MAGI1: variants seen among roughly 807,000 people sequenced by gnomAD.
MAGI1 encodes membrane-associated guanylate kinase, WW and PDZ domain-containing protein 1.
In MAGI1, 58 loss-of-function variants were observed where a neutral mutation model predicts 139.9. The ratio of observed to expected loss-of-function variants is 0.41; its 90% confidence interval spans 0.34 to 0.52. The LOEUF (loss-of-function observed/expected upper bound fraction) is 0.52, where lower values mean the gene tolerates loss of function less well. Among genes scored for constraint, MAGI1 ranks in the 20% least tolerant of loss-of-function variants. The pLI is 0.12. For missense variants in MAGI1, 1,874 were observed against 1,901.6 expected (o/e 0.99, Z 0.27); for synonymous variants, 812 against 737.9 (o/e 1.10, Z -1.63).
intron 1 of MAGI1, among the ~76,000 whole-genome samples, chr3:65,702,283 C>T (rs575085852): frequency 7.2e-5 from 11 of 152,300 alleles, no homozygotes; most frequent in African/African-American, 2.2e-4. Flanking sequence ...TAAAAATCAA[C>T]GCACAAACAC....
chr3:65,649,729 T>C lies in MAGI1; in HGVS notation c.314-27641A>G, dbSNP rs148097467. Among the ~76,000 whole-genome samples the C allele has an allele frequency of 1.2e-3, 189 of 152,306 alleles. 4 individuals carry two copies. In the East Asian group the frequency reaches 0.028, roughly 22 times the overall value. ...AATATGAACTTTTCACTAAAGAAGA[T>C]AGTGATGGCAAATAAGCATATGAAA... On this transcript the variant is annotated intron_variant, in intron 1 of 22. Coordinates refer to ENST00000402939, the MANE Select transcript of MAGI1 (RefSeq NM_001033057.2).
intron 2 of MAGI1, among the ~76,000 whole-genome samples, chr3:65,518,296 T>C (rs1425130091): frequency 6.6e-6 from 1 of 152,204 alleles, no homozygotes; most frequent in African/African-American, 2.4e-5. Context: ...AAAATGACTT[T>C]CTGTATCTGT....
chr3:66,014,214 G>A (rs1001774240), intron 1 of MAGI1, among the ~76,000 whole-genome samples: 5 of 152,174 alleles, frequency 3.3e-5, no homozygotes, highest in Non-Finnish European at 7.3e-5. Flanking sequence ...AACAACAGGT[G>A]TAAACCAGAT....
intron 1 of MAGI1, among the ~76,000 whole-genome samples, chr3:65,665,335 G>C (rs528638704): frequency 6.6e-6 from 1 of 152,218 alleles, no homozygotes; most frequent in East Asian, 1.9e-4. Flanking sequence ...AGATTGCCAA[G>C]GTAACATCTA....
chr3:65,450,752 G>C (rs1559564053), intron 6 of MAGI1, among the ~76,000 whole-genome samples: 1 of 152,122 alleles, frequency 6.6e-6, no homozygotes, highest in African/African-American at 2.4e-5. Flanking sequence ...GATTTTCTGA[G>C]ATAGGAAATA....
At chr3:65,778,441 A>AT (rs67090174) in intron 1 of MAGI1, among the ~76,000 whole-genome samples, 35,412 of 145,758 alleles carry the variant, frequency 0.24, 6,066 homozygotes, top group Middle Eastern at 0.39. Flanking sequence ...AAAAAAAAAA[A>AT]AAATAAATAA....
intron 2 of MAGI1, among the ~76,000 whole-genome samples, chr3:65,617,016 G>A (rs2083411751): frequency 6.6e-6 from 1 of 152,152 alleles, no homozygotes; most frequent in South Asian, 2.1e-4. Context: ...AAAATAATAG[G>A]CAATGATAGC....
intron 5 of MAGI1, among the ~76,000 whole-genome samples, chr3:65,454,969 G>A (rs1949296641): frequency 6.6e-6 from 1 of 152,074 alleles, no homozygotes; most frequent in Non-Finnish European, 1.5e-5. Flanking sequence ...ATTTGTCTAA[G>A]GACACCCTGC....
intron 1 of MAGI1, among the ~76,000 whole-genome samples, chr3:65,779,320 C>A (rs2038740213): frequency 6.6e-6 from 1 of 152,164 alleles, no homozygotes; most frequent in African/African-American, 2.4e-5. Context: ...ATTCTGGTCT[C>A]AAGAGAACAC....
chr3:65,861,847 C>A (rs567266566), intron 1 of MAGI1, among the ~76,000 whole-genome samples: 1 of 152,298 alleles, frequency 6.6e-6, no homozygotes, highest in African/African-American at 2.4e-5. Context: ...GAGCAGCCAA[C>A]AAAAACCCTT....
rs1363896851 is a variant in MAGI1 at position 65,453,239 on chromosome 3, G to GTT, written c.1042+18_1042+19insAA. The GTT allele has an allele frequency of 6.2e-7, 1 of 1,612,220 alleles. No homozygotes were observed. The highest frequency in any genetic ancestry group is 8.5e-7 in the Non-Finnish European group (1 of 1,178,682). On this transcript the variant is annotated intron_variant, in intron 6 of 22. Transcript: ENST00000402939. ...AGTGCCCCCAATTCACTTAACCCAA[G>GTT]ACCTGCCTGGCCCCTTACCATCATC...
At chr3:65,946,134 G>T (rs2063535416) in intron 1 of MAGI1, among the ~76,000 whole-genome samples, 1 of 152,206 alleles carries the variant, frequency 6.6e-6, no homozygotes, top group Non-Finnish European at 1.5e-5. Flanking sequence ...GGCCACCGAG[G>T]GTATCTGTCC....
chr3:65,602,023 C>T (rs964463402), intron 2 of MAGI1, among the ~76,000 whole-genome samples: 1 of 152,026 alleles, frequency 6.6e-6, no homozygotes, highest in Non-Finnish European at 1.5e-5. Context: ...AAATCAAAAC[C>T]ACAATGACAT....
chr3:65,468,798 T>C (rs1950348478), intron 5 of MAGI1, among the ~76,000 whole-genome samples: 1 of 151,908 alleles, frequency 6.6e-6, no homozygotes, highest in African/African-American at 2.4e-5. Flanking sequence ...ATGTCATGCT[T>C]GGTGACTCAC....
At chr3:65,359,029 G>T in intron 22 of MAGI1, 1 of 1,576,660 alleles carries the variant, frequency 6.3e-7, no homozygotes, top group South Asian at 1.1e-5. Flanking sequence ...TTAGGCCACA[G>T]CACAGAAACA....
intron 1 of MAGI1, among the ~76,000 whole-genome samples, chr3:65,883,808 G>C (rs2060428248): frequency 6.6e-6 from 1 of 152,132 alleles, no homozygotes; most frequent in South Asian, 2.1e-4. Flanking sequence ...GTTTATCTTA[G>C]GTTTTGTGTA....
At chr3:65,868,953 C>A (rs1019408331) in intron 1 of MAGI1, among the ~76,000 whole-genome samples, 15 of 152,186 alleles carry the variant, frequency 9.9e-5, no homozygotes, top group Non-Finnish European at 2.1e-4. Context: ...TTGCCCATAG[C>A]CCCTATCAAC....
intron 1 of MAGI1, among the ~76,000 whole-genome samples, chr3:65,751,195 A>G (rs1253660159): frequency 1.3e-5 from 2 of 152,240 alleles, no homozygotes; most frequent in Non-Finnish European, 2.9e-5. Flanking sequence ...TGAGAAAGGT[A>G]TCGATCCCAT....
Position 65,822,311 on chromosome 3 carries a change from T to G in MAGI1, c.314-200223A>C, listed in dbSNP as rs530765383. On this transcript the variant is annotated intron_variant, in intron 1 of 22. Transcript: ENST00000402939. ...CTAAATCCAAGGCAGGCAGATGACT[T>G]GAGGTCAGAAGTTTGAGACCAGCCT... Among the ~76,000 whole-genome samples, 91 of 152,266 alleles carry G rather than the reference T, an allele frequency of 6.0e-4. 1 individual carries two copies. Among genetic ancestry groups the G allele is most frequent in the Middle Eastern group, 3.4e-3 (1 of 294 alleles).
Sources: gnomAD v4.1 joint callset for allele counts (sites outside exome capture counted in the v4.1 genomes callset) on GRCh38, gnomAD v4.1.1 for gene constraint, MANE v1.5 for transcripts, NCBI Gene and HGNC (gene_info 2026-07-23, HGNC 2026-07-21) for gene names.